The following PRSS36 variants were observed in gnomAD, a reference collection of about 807,000 sequenced individuals.
PRSS36 encodes polyserase-2.
In PRSS36, 90 loss-of-function variants were observed where a neutral mutation model predicts 94.3. That is an observed-to-expected ratio of 0.95 (90% CI 0.80 to 1.14). The LOEUF is 1.14. PRSS36 is among the 50% of genes most tolerant of loss of function. The probability of loss-of-function intolerance (pLI) is 0.00; values close to 1 mark genes in which losing one functional copy is unlikely to be tolerated. For synonymous variants in PRSS36, 500 were observed against 489.6 expected, an observed-to-expected ratio of 1.02 and a Z score of -0.28; for missense variants, 1,158 against 1,135.0, an observed-to-expected ratio of 1.02 and a Z score of -0.29.
chr16:31,138,947 C>G lies in PRSS36; in HGVS notation c.*191G>C. On this transcript the variant is annotated 3_prime_UTR_variant, in exon 15 of 15. Transcript: ENST00000268281. ...GTACCTGTGTTTACACCTTTATTGT[C>G]CGCTCCTCCCACCACCCCCAAGGAT... 1.7e-6 allele frequency: 1 copy of G among 593,814 alleles called. No homozygotes were observed. The highest frequency in any genetic ancestry group is 3.0e-5 in the East Asian group (1 of 33,080). 36.8% of individuals were successfully genotyped at this position (593,814 alleles called of 1,614,324 possible). A position where few individuals can be genotyped will look rare whatever the true frequency, so the allele number is the denominator to read the frequency against.
intron 11 of PRSS36, 31 bp downstream of exon 11, chr16:31,141,692 A>G: frequency 6.2e-7 from 1 of 1,607,726 alleles, no homozygotes; most frequent in Non-Finnish European, 8.5e-7. Flanking sequence ...CACTCCCAGG[A>G]GCCCCTAGGG....
Position 31,141,692 on chromosome 16 carries a change from A to T in PRSS36, c.1759+31T>A, listed in dbSNP as rs759326833. On this transcript the variant is annotated intron_variant, in intron 11 of 14. Coordinates refer to ENST00000268281, the MANE Select transcript of PRSS36 (RefSeq NM_173502.5). ...TGCCATGGGTCTGTGCACTCCCAGG[A>T]GCCCCTAGGGCCCAAAAGCGTCCTG... 83 of 1,607,726 alleles carry T rather than the reference A, an allele frequency of 5.2e-5. No individual in the cohort carries two copies. In the Middle Eastern group the frequency reaches 1.2e-3, roughly 22 times the overall value.
At chr16:31,145,050 G>C (rs565615110) in intron 6 of PRSS36, among the ~76,000 whole-genome samples, 44 of 151,984 alleles carry the variant, frequency 2.9e-4, no homozygotes, top group Middle Eastern at 3.4e-3. Context: ...TCGTGCCATT[G>C]TACTCTAGCC....
At chr16:31,142,373 G>A (rs930983006) in intron 10 of PRSS36, 108 bp downstream of exon 10, 2 of 1,260,472 alleles carry the variant, frequency 1.6e-6, no homozygotes, top group African/African-American at 1.5e-5. Flanking sequence ...CCTTCCGCAG[G>A]CCCCGCCCTC....
At position 31,140,391 on chromosome 16, in the gene PRSS36, A is replaced by T; in HGVS notation, c.2192T>A (p.Ile731Asn). The T allele has an allele frequency of 6.2e-7, 1 of 1,613,968 alleles. No homozygotes were observed. The highest frequency in any genetic ancestry group is 8.5e-7 in the Non-Finnish European group (1 of 1,179,980). Reference protein sequence around the residue: ...DRVPVAAAVSILTQRICDCLY... With the variant: ...DRVPVAAAVSNLTQRICDCLY... ...GCAGTCACAGATTCGTTGTGTCAAG[A>T]TGGAGACAGCAGCAGCCACAGGGAC... is the stretch of plus-strand genomic sequence containing the variant. Residue 731 changes from isoleucine (I) to asparagine (N), a missense_variant, in exon 14 of 15, where the codon ATC (isoleucine) becomes AAC (asparagine). Ile to Asn is a moderately radical substitution (Grantham distance 149). Transcript: ENST00000268281.
intron 4 of PRSS36, 109 bp from the exon 5 acceptor site, chr16:31,148,784 T>C: frequency 6.9e-7 from 1 of 1,442,734 alleles, no homozygotes. Flanking sequence ...CCGATCCAGA[T>C]TTGGTGCTGA....
chr16:31,147,174 C>T (rs2057810661), intron 5 of PRSS36, among the ~76,000 whole-genome samples: 1 of 151,960 alleles, frequency 6.6e-6, no homozygotes, highest in African/African-American at 2.4e-5. Context: ...AGCCCAGGTG[C>T]CTGTACCCCT....
At chr16:31,145,233 C>T (rs550196276) in intron 6 of PRSS36, among the ~76,000 whole-genome samples, 8 of 151,018 alleles carry the variant, frequency 5.3e-5, no homozygotes, top group East Asian at 1.9e-4. Context: ...ATTAGCTGGG[C>T]GTCGTGGCGG....
At chr16:31,143,968 C>G (rs2057759571) in intron 6 of PRSS36, 131 bp from the exon 7 acceptor site, 1 of 1,138,204 alleles carries the variant, frequency 8.8e-7, no homozygotes, top group East Asian at 2.5e-5. Flanking sequence ...AGGCCTTGTC[C>G]TCTGCATTCC....
chr16:31,142,960 G>A lies in PRSS36; in HGVS notation c.1134C>T (p.Leu378=), dbSNP rs1392709052. The A allele has an allele frequency of 2.8e-6, 4 of 1,433,818 alleles. No individual in the cohort carries two copies. The highest frequency in any genetic ancestry group is 1.8e-4 in the Middle Eastern group (1 of 5,568). The allele number at this position is 1,433,818 out of a possible 1,614,324, so 88.8% of individuals were successfully genotyped here. Residue 378 remains leucine (L), a synonymous_variant, in exon 9 of 15, where the codon CTC becomes CTT. Transcript: ENST00000268281. ...PNSSDSPPRD[L]DAWRVLLPSR... ...AGGGCAGCAGCACGCGCCAGGCGTCGAGGTCGCGGGGTGGGCTGTCGGAGC... is the reference window on the plus strand; with the variant it reads ...AGGGCAGCAGCACGCGCCAGGCGTCAAGGTCGCGGGGTGGGCTGTCGGAGC...
rs773690190 is a variant in PRSS36, at chr16:31,148,464, G to C, written c.484C>G (p.Arg162Gly). Reference sequence around the variant, plus strand: ...CCGTGCACGAAGCGGTGTGAGGCGCGGGGCAGGCAGACAGGCCACACGGCG... The same window carrying C: ...CCGTGCACGAAGCGGTGTGAGGCGCCGGGCAGGCAGACAGGCCACACGGCG... Reference protein sequence around the residue: ...GPAVWPVCLPRASHRFVHGTA... With the variant: ...GPAVWPVCLPGASHRFVHGTA... Residue 162 changes from arginine (R) to glycine (G), a missense_variant, in exon 5 of 15, where the codon CGC (arginine) becomes GGC (glycine). Coordinates refer to ENST00000268281, the MANE Select transcript of PRSS36 (RefSeq NM_173502.5). The C allele has an allele frequency of 6.4e-7, 1 of 1,574,540 alleles. No individual in the cohort carries two copies. The highest frequency in any genetic ancestry group is 8.6e-7 in the Non-Finnish European group (1 of 1,166,902).
chr16:31,146,060 T>A (rs1040512001), intron 5 of PRSS36, 105 bp from the exon 6 acceptor site: 1 of 1,062,472 alleles, frequency 9.4e-7, no homozygotes, highest in Non-Finnish European at 1.3e-6. Flanking sequence ...ATCAGCTAGA[T>A]GCCCCATGGC....
chr16:31,143,692 T>G lies in PRSS36; in HGVS notation c.866A>C (p.Gln289Pro), dbSNP rs775452836. Residue 289 changes from glutamine to proline, a missense_variant, in exon 7 of 15, where the codon CAG becomes CCG. Coordinates refer to ENST00000268281, the MANE Select transcript of PRSS36 (RefSeq NM_173502.5). ...AGGCCCAGGCTCTGAACCCATCACCTGCTCCCGTATCCATGCCTCATAGGT... is the reference window on the plus strand; with the variant it reads ...AGGCCCAGGCTCTGAACCCATCACCGGCTCCCGTATCCATGCCTCATAGGT... ...VATYEAWIRE[Q>P]VMGSEPGPAF... is the part of the protein sequence containing the mutation. The G allele has an allele frequency of 6.2e-6, 10 of 1,614,162 alleles. No homozygotes were observed. The highest frequency in any genetic ancestry group is 3.3e-5 in the South Asian group (3 of 91,092).
chr16:31,143,773 C>T lies in PRSS36; in HGVS notation c.785G>A (p.Ser262Asn). Residue 262 changes from serine to asparagine, a missense_variant, in exon 7 of 15, where the codon AGC (serine) becomes AAC (asparagine). Coordinates refer to ENST00000268281, the MANE Select transcript of PRSS36 (RefSeq NM_173502.5). Reference protein sequence around the residue: ...GGRWFQAGITSFGFGCGRRNR... With the variant: ...GGRWFQAGITNFGFGCGRRNR... ...TCTCCGTCCACAGCCAAAGCCAAAGCTGGTGATTCCTGCCTGGAACCAGCG... is the reference window on the plus strand; with the variant it reads ...TCTCCGTCCACAGCCAAAGCCAAAGTTGGTGATTCCTGCCTGGAACCAGCG... 6.2e-7 allele frequency: 1 copy of T among 1,614,134 alleles called. No homozygotes were observed. The highest frequency in any genetic ancestry group is 8.5e-7 in the Non-Finnish European group (1 of 1,180,036).
intron 10 of PRSS36, 126 bp downstream of exon 10, chr16:31,142,355 C>T (rs1242713174): frequency 6.2e-6 from 7 of 1,121,506 alleles, no homozygotes; most frequent in Non-Finnish European, 6.0e-6. Flanking sequence ...AGAGCCCACT[C>T]GGACCCGCCT....
Position 31,149,093 on chromosome 16 carries a change from G to A in PRSS36, c.252C>T (p.Ser84=), listed in dbSNP as rs758729113. The A allele has an allele frequency of 1.3e-6, 2 of 1,594,118 alleles. No homozygotes were observed. The highest frequency in any genetic ancestry group is 1.8e-5 in the Admixed American group (1 of 55,824). ...CTCACGTCATGAAACAGTGAGCAGC[G>A]GAGAGGACCCAGGAGGGGGCGATGA... ...GSLIAPSWVL[S]AAHCFMTNGT... Residue 84 remains serine, a synonymous_variant, in exon 4 of 15, where the codon TCC becomes TCT. Coordinates refer to ENST00000268281, the MANE Select transcript of PRSS36 (RefSeq NM_173502.5).
Position 31,139,161 on chromosome 16 carries a change from G to A in PRSS36, c.2545C>T (p.Leu849=). 1.9e-6 allele frequency: 3 copies of A among 1,577,858 alleles called. No individual in the cohort carries two copies. Among genetic ancestry groups the A allele is most frequent in the African/African-American group, 1.3e-5 (1 of 74,250 alleles). Residue 849 remains leucine (L), a synonymous_variant, in exon 15 of 15, where the codon CTG becomes TTG. Coordinates refer to ENST00000268281, the MANE Select transcript of PRSS36 (RefSeq NM_173502.5). ...CCTCAGCTCTGGATCAGGAGAGTCA[G>A]CAGGAGCAGGAAGTAGACTGCATGC... ...SPHAVYFLLL[L]TLLIQS
rs2057851359 is a variant in PRSS36, at chr16:31,149,037, T to C, written c.272+36A>G. 1.9e-6 allele frequency: 3 copies of C among 1,540,524 alleles called. No individual in the cohort carries two copies. The African/African-American group carries it at 4.1e-5, about 21-fold the overall frequency. On this transcript the variant is annotated intron_variant, in intron 4 of 14. Transcript: ENST00000268281. ...AACTGCGGGGGCGGGGGCCAGCTTT[T>C]GGCGGAGAGGGGCCAGGACCAGGGC...
rs2057642463 is a variant in PRSS36 at position 31,139,332 on chromosome 16, G to C, written c.2374C>G (p.Leu792Val). Reference protein sequence around the residue: ...VGMAVQGSRELFAAIGPEEAW... With the variant: ...VGMAVQGSREVFAAIGPEEAW... The stretch of plus-strand genomic sequence containing the variant: ...TCTTCAGGACCAATGGCAGCAAACA[G>C]CTCCCGGCTCCCTTGAACAGCCATG... Residue 792 changes from leucine to valine, a missense_variant, in exon 15 of 15, where the codon CTG (leucine) becomes GTG (valine). Transcript: ENST00000268281. The C allele has an allele frequency of 1.2e-6, 2 of 1,614,042 alleles. No homozygotes were observed. Among genetic ancestry groups the C allele is most frequent in the Admixed American group, 1.7e-5 (1 of 60,002 alleles).
Sources: allele counts gnomAD v4.1 joint callset (sites outside exome capture counted in the v4.1 genomes callset), GRCh38; gene constraint gnomAD v4.1.1; transcripts MANE v1.5; gene names NCBI Gene and HGNC (gene_info 2026-07-23, HGNC 2026-07-21).